DYM: variants seen among roughly 807,000 people sequenced by gnomAD.
DYM encodes the protein dymeclin.
DYM carries 78 observed loss-of-function variants against 93.1 expected under a neutral mutation model. The ratio of observed to expected loss-of-function variants is 0.84; its 90% confidence interval spans 0.70 to 1.01. The LOEUF (loss-of-function observed/expected upper bound fraction) is 1.01, where lower values mean the gene tolerates loss of function less well. Among genes scored for constraint, DYM ranks in the 50% least tolerant of loss-of-function variants. DYM has a pLI of 0.00. For synonymous variants in DYM, 321 were observed against 319.7 expected (o/e 1.00, Z -0.04); for missense variants, 789 against 845.0 (o/e 0.93, Z 0.82).
intron 15 of DYM, among the ~76,000 whole-genome samples, chr18:49,132,463 T>C (rs937004399): frequency 2.0e-5 from 3 of 152,096 alleles, no homozygotes; most frequent in African/African-American, 7.2e-5. Context: ...GAAAAATCTG[T>C]CAGAGACACA....
At chr18:49,323,439 C>T (rs1251769206) in intron 8 of DYM, among the ~76,000 whole-genome samples, 6 of 152,164 alleles carry the variant, frequency 3.9e-5, no homozygotes, top group African/African-American at 1.4e-4. Context: ...TTGTGTCACC[C>T]TCAAAATTCC....
chr18:49,046,597 G>T (rs1262363091), intron 17 of DYM, among the ~76,000 whole-genome samples: 1 of 152,036 alleles, frequency 6.6e-6, no homozygotes, highest in Admixed American at 6.6e-5. Flanking sequence ...CATTTACAGT[G>T]ATTAAGACTA....
At chr18:49,285,002 GC>G (rs2095087903) in intron 9 of DYM, among the ~76,000 whole-genome samples, 1 of 152,118 alleles carries the variant, frequency 6.6e-6, no homozygotes, top group Admixed American at 6.5e-5. Flanking sequence ...ATAGCATTCA[GC>G]CCTTTTAGCC....
chr18:49,093,291 C>T (rs1427462915), intron 17 of DYM: 3 of 152,208 alleles, frequency 2.0e-5, no homozygotes, highest in Non-Finnish European at 4.4e-5. Flanking sequence ...GGACTCTGTC[C>T]ACCTGACGAT....
intron 16 of DYM, chr18:49,116,319 A>C (rs2081919709): frequency 1.3e-5 from 2 of 152,174 alleles, no homozygotes; most frequent in Admixed American, 6.5e-5. Flanking sequence ...ATCTTAACCC[A>C]AGGCCAATTT....
intron 14 of DYM, among the ~76,000 whole-genome samples, chr18:49,200,692 C>G (rs2091917638): frequency 6.6e-6 from 1 of 151,914 alleles, no homozygotes; most frequent in Non-Finnish European, 1.5e-5. Flanking sequence ...GTAAATACTT[C>G]TAGCATATTT....
chr18:49,124,140 G>T (rs1318761697), intron 15 of DYM, among the ~76,000 whole-genome samples: 1 of 152,056 alleles, frequency 6.6e-6, no homozygotes, highest in Admixed American at 6.6e-5. Context: ...TCCTAACTAG[G>T]CACCTGCTAC....
intron 2 of DYM, among the ~76,000 whole-genome samples, chr18:49,418,430 A>T (rs1013028603): frequency 2.0e-5 from 3 of 152,208 alleles, no homozygotes; most frequent in Non-Finnish European, 2.9e-5. Flanking sequence ...TCTTTGCTGC[A>T]CAACTAATTT....
chr18:49,459,499 C>A (rs1434548233), intron 1 of DYM, among the ~76,000 whole-genome samples: 1 of 152,070 alleles, frequency 6.6e-6, no homozygotes, highest in Non-Finnish European at 1.5e-5. Context: ...GCCTAAGCAC[C>A]TGAGTTCCTC....
intron 6 of DYM, among the ~76,000 whole-genome samples, chr18:49,362,777 T>C (rs1329887645): frequency 1.3e-5 from 2 of 152,178 alleles, no homozygotes; most frequent in Admixed American, 1.3e-4. Flanking sequence ...CAAAAGAGGC[T>C]GGAAATACAA....
intron 8 of DYM, among the ~76,000 whole-genome samples, chr18:49,317,646 C>CCTTCCTTCCTTCCT (rs2062090159): frequency 8.2e-5 from 3 of 36,560 alleles, no homozygotes; most frequent in African/African-American, 1.1e-4. Flanking sequence ...ATCCTCTCCT[C>CCTTCCTTCCTTCCT]TCCTTCCTTC....
rs374032100 is a variant in DYM, at chr18:49,376,364, C to A, written c.421+2203G>T. 1.3e-4 allele frequency among the ~76,000 whole-genome samples: 20 copies of A among 152,278 alleles called. No individual in the cohort carries two copies. In the South Asian group the frequency reaches 4.1e-3, roughly 32 times the overall value. The stretch of plus-strand genomic sequence containing the variant: ...GAAACTTGAATTTAAATACACTCAA[C>A]CATATTTGTCCAGTATCAGTAGAGG... On this transcript the variant is annotated intron_variant, in intron 5 of 17. Transcript: ENST00000675505.
At chr18:49,081,337 A>G (rs1011969785) in intron 17 of DYM, among the ~76,000 whole-genome samples, 5 of 151,732 alleles carry the variant, frequency 3.3e-5, no homozygotes, top group African/African-American at 1.2e-4. Context: ...CCCCGTCTCC[A>G]CCAAAAAAGT....
At chr18:49,165,747 T>G (rs2087784878) in intron 14 of DYM, among the ~76,000 whole-genome samples, 1 of 152,198 alleles carries the variant, frequency 6.6e-6, no homozygotes, top group African/African-American at 2.4e-5. Context: ...AATTTTATGA[T>G]ACTGGTTACA....
chr18:49,302,948 G>A (rs1338069114), intron 8 of DYM, among the ~76,000 whole-genome samples: 2 of 152,170 alleles, frequency 1.3e-5, no homozygotes, highest in Non-Finnish European at 2.9e-5. Flanking sequence ...CAGCACCTGG[G>A]ATTTAACAGG....
chr18:49,405,012 C>CAAAA (rs199975015), intron 2 of DYM, among the ~76,000 whole-genome samples: 6 of 102,182 alleles, frequency 5.9e-5, no homozygotes, highest in Non-Finnish European at 3.8e-5. Flanking sequence ...GACTCCATCT[C>CAAAA]AAAAAAAAAA....
In DYM at chr18:49,042,799, G is replaced by T. The variant is rs1162864873; in HGVS notation, c.*1256C>A. On this transcript the variant is annotated 3_prime_UTR_variant, in exon 18 of 18. Transcript: ENST00000675505. Reference sequence around the variant, plus strand: ...AAGGTCCCAACTGGCCCTCAATGTGGCCCCAGTGGCTGTTTCCCTGCAAGA... The same window carrying T: ...AAGGTCCCAACTGGCCCTCAATGTGTCCCCAGTGGCTGTTTCCCTGCAAGA... The T allele has an allele frequency of 6.6e-6, 1 of 152,256 alleles. No homozygotes were observed. The highest frequency in any genetic ancestry group is 2.4e-5 in the African/African-American group (1 of 41,468). The allele number at this position is 152,256 out of a possible 1,614,324, so 9.4% of individuals were successfully genotyped here.
intron 6 of DYM, among the ~76,000 whole-genome samples, chr18:49,345,806 G>A (rs758759705): frequency 1.3e-5 from 2 of 152,026 alleles, no homozygotes; most frequent in Non-Finnish European, 2.9e-5. Context: ...CAGGCAAACT[G>A]AAAAAAATAT....
At chr18:49,275,145 G>A (rs1197164392) in intron 10 of DYM, among the ~76,000 whole-genome samples, 2 of 152,056 alleles carry the variant, frequency 1.3e-5, no homozygotes, top group African/African-American at 4.8e-5. Flanking sequence ...AATTAACTTT[G>A]TATATGGGGT....
Sources: gnomAD v4.1 joint callset for allele counts (sites outside exome capture counted in the v4.1 genomes callset) on GRCh38, gnomAD v4.1.1 for gene constraint, MANE v1.5 for transcripts, NCBI Gene and HGNC (gene_info 2026-07-23, HGNC 2026-07-21) for gene names.